UNC5D: variants seen among roughly 807,000 people sequenced by gnomAD.
UNC5D encodes the protein netrin receptor UNC5D.
In UNC5D, 39 loss-of-function variants were observed where a neutral mutation model predicts 105.4. That is an observed-to-expected ratio of 0.37 (90% CI 0.29 to 0.48). The LOEUF is 0.48. Among genes scored for constraint, UNC5D ranks in the 20% least tolerant of loss-of-function variants. The probability of loss-of-function intolerance (pLI) is 0.98; values close to 1 mark genes in which losing one functional copy is unlikely to be tolerated. For synonymous variants in UNC5D, 452 were observed against 450.4 expected (o/e 1.00, Z -0.04); for missense variants, 991 against 1,202.4 (o/e 0.82, Z 2.60).
chr8:35,734,335 C>CCAAAAAA (rs1491578135), intron 11 of UNC5D, among the ~76,000 whole-genome samples: 1 of 28,288 alleles, frequency 3.5e-5, no homozygotes, highest in Non-Finnish European at 8.1e-5. Flanking sequence ...TAATCACTGT[C>CCAAAAAA]AAAAAAAAAA....
Position 35,748,576 on chromosome 8 carries a change from G to A in UNC5D, c.1816G>A (p.Gly606Ser), listed in dbSNP as rs769719655. ...EVLLSPEVTCGPPDMIVTTPF... is the reference protein window; with the variant it reads ...EVLLSPEVTCSPPDMIVTTPF... ...GCTCCTGAGTCCTGAAGTCACCTGT[G>A]GTCCTCCAGACATGATCGTCACCAC... Residue 606 changes from glycine (G) to serine (S), a missense_variant, in exon 12 of 17, where the codon GGT becomes AGT. By Grantham distance (56) the Gly-to-Ser change is moderately conservative (BLOSUM62 0). Around this residue, in one of 3 missense-constraint regions of UNC5D, gnomAD observed 944 missense variants for 1,131.6 expected, o/e 0.83. Coordinates refer to ENST00000404895, the MANE Select transcript of UNC5D (RefSeq NM_080872.4). 1.2e-6 allele frequency: 2 copies of A among 1,613,862 alleles called. No individual in the cohort carries two copies. Among genetic ancestry groups the A allele is most frequent in the Non-Finnish European group, 8.5e-7 (1 of 1,179,952 alleles).
chr8:35,666,973 T>A (rs1024558301), intron 4 of UNC5D, among the ~76,000 whole-genome samples: 1 of 152,028 alleles, frequency 6.6e-6, no homozygotes. Flanking sequence ...GCTGGGAAGG[T>A]AAAATGTGGT....
At chr8:35,354,446 G>A (rs559989556) in intron 1 of UNC5D, among the ~76,000 whole-genome samples, 1 of 152,196 alleles carries the variant, frequency 6.6e-6, no homozygotes, top group African/African-American at 2.4e-5. Context: ...GAACTCCAGG[G>A]CAACTTGAGC....
chr8:35,691,000 T>A (rs1243348038), intron 7 of UNC5D, among the ~76,000 whole-genome samples: 1 of 152,226 alleles, frequency 6.6e-6, no homozygotes, highest in Non-Finnish European at 1.5e-5. Flanking sequence ...TTGATTTTAT[T>A]TAGCCTTCAA....
chr8:35,472,690 C>G (rs1219985921), intron 1 of UNC5D, among the ~76,000 whole-genome samples: 1 of 152,088 alleles, frequency 6.6e-6, no homozygotes, highest in African/African-American at 2.4e-5. Context: ...GTTCAGAAAC[C>G]CTGAACGGAG....
chr8:35,461,977 T>C (rs1000980253), intron 1 of UNC5D, among the ~76,000 whole-genome samples: 2 of 152,204 alleles, frequency 1.3e-5, no homozygotes, highest in Non-Finnish European at 2.9e-5. Flanking sequence ...AGGCCTTTCC[T>C]AATAGATGAG....
At chr8:35,596,692 G>A (rs756142750) in intron 4 of UNC5D, among the ~76,000 whole-genome samples, 29 of 152,166 alleles carry the variant, frequency 1.9e-4, no homozygotes, top group Non-Finnish European at 3.7e-4. Context: ...GCAAAGGTGG[G>A]ATAACTCCCC....
At chr8:35,497,127 T>C (rs1811654150) in intron 1 of UNC5D, among the ~76,000 whole-genome samples, 1 of 152,190 alleles carries the variant, frequency 6.6e-6, no homozygotes, top group Admixed American at 6.5e-5. Context: ...AAGAAGTAGA[T>C]AGTCATGGAG....
intron 1 of UNC5D, among the ~76,000 whole-genome samples, chr8:35,370,213 G>C (rs1307041218): frequency 1.3e-5 from 2 of 152,076 alleles, no homozygotes; most frequent in African/African-American, 2.4e-5. Context: ...GTTAACCATG[G>C]CTACTCATTT....
intron 3 of UNC5D, among the ~76,000 whole-genome samples, chr8:35,583,075 G>C (rs758892181): frequency 8.5e-5 from 13 of 152,188 alleles, no homozygotes; most frequent in Non-Finnish European, 1.6e-4. Flanking sequence ...GCACAGGCTG[G>C]GTGCAGTGGC....
intron 1 of UNC5D, among the ~76,000 whole-genome samples, chr8:35,249,582 AT>A (rs1803548828): frequency 6.8e-6 from 1 of 147,272 alleles, no homozygotes; most frequent in African/African-American, 2.5e-5. Flanking sequence ...AATAATAATA[AT>A]AATAATAATA....
At chr8:35,395,113 G>A (rs773379427) in intron 1 of UNC5D, among the ~76,000 whole-genome samples, 4 of 152,182 alleles carry the variant, frequency 2.6e-5, no homozygotes, top group Non-Finnish European at 5.9e-5. Flanking sequence ...GAACTCGTGG[G>A]AAATTACATG....
At chr8:35,352,338 A>T (rs1313772451) in intron 1 of UNC5D, among the ~76,000 whole-genome samples, 1 of 152,106 alleles carries the variant, frequency 6.6e-6, no homozygotes, top group African/African-American at 2.4e-5. Flanking sequence ...GGAAAATCCA[A>T]TGATTTTTTT....
At chr8:35,441,544 G>T (rs943056629) in intron 1 of UNC5D, among the ~76,000 whole-genome samples, 1 of 151,706 alleles carries the variant, frequency 6.6e-6, no homozygotes, top group African/African-American at 2.4e-5. Context: ...TTTCCTGGTG[G>T]TGCCTTGAAT....
intron 4 of UNC5D, among the ~76,000 whole-genome samples, chr8:35,670,006 G>A (rs561426459): frequency 3.3e-4 from 51 of 152,244 alleles, no homozygotes; most frequent in African/African-American, 1.1e-3. Flanking sequence ...TGATCATGTG[G>A]GGAGGTGTTT....
chr8:35,526,618 A>T (rs574259067), intron 1 of UNC5D, among the ~76,000 whole-genome samples: 7 of 152,050 alleles, frequency 4.6e-5, no homozygotes, highest in Non-Finnish European at 1.0e-4. Flanking sequence ...TAATCTCTTC[A>T]AAATTATTTC....
intron 16 of UNC5D, among the ~76,000 whole-genome samples, chr8:35,789,166 T>TGAG: frequency 1.1e-5 from 1 of 94,930 alleles, no homozygotes. Context: ...TATATATATA[T>TGAG]ATATATATAT....
chr8:35,546,332 G>C (rs931065769), intron 1 of UNC5D, among the ~76,000 whole-genome samples: 3 of 152,276 alleles, frequency 2.0e-5, no homozygotes, highest in East Asian at 1.9e-4. Flanking sequence ...TAAAATGGGA[G>C]GAGGGGAACT....
intron 4 of UNC5D, among the ~76,000 whole-genome samples, chr8:35,678,857 T>C (rs1307093434): frequency 1.3e-5 from 2 of 152,162 alleles, no homozygotes; most frequent in African/African-American, 2.4e-5. Flanking sequence ...CTTTCTTCTA[T>C]CAAAAATAGT....
Sources: gnomAD v4.1 joint callset for allele counts (sites outside exome capture counted in the v4.1 genomes callset) on GRCh38, gnomAD v4.1.1 for gene constraint, gnomAD v4.1.1 regional missense constraint, MANE v1.5 for transcripts, NCBI Gene and HGNC (gene_info 2026-07-23, HGNC 2026-07-21) for gene names.